UNC13B: variants seen among roughly 807,000 people sequenced by gnomAD.
The protein encoded by UNC13B is protein unc-13 homolog B.
UNC13B carries 144 observed loss-of-function variants against 211.0 expected under a neutral mutation model. The ratio of observed to expected loss-of-function variants is 0.68; its 90% CI spans 0.60 to 0.78. The LOEUF is 0.78. UNC13B is among the 30% of genes least tolerant of loss of function. UNC13B has a pLI of 0.00. For missense variants in UNC13B, 1,777 were observed against 2,002.0 expected, an observed-to-expected ratio of 0.89 and a Z score of 2.14; for synonymous variants, 709 against 725.8, an observed-to-expected ratio of 0.98 and a Z score of 0.37.
chr9:35,291,567 T>C (rs1395457117), intron 7 of UNC13B, among the ~76,000 whole-genome samples: 1 of 152,184 alleles, frequency 6.6e-6, no homozygotes, highest in East Asian at 1.9e-4. Flanking sequence ...GGTTTATTGG[T>C]CTAGCAAATT....
intron 11 of UNC13B, chr9:35,351,798 C>T: frequency 8.1e-7 from 1 of 1,232,278 alleles, no homozygotes; most frequent in South Asian, 4.1e-5. Context: ...GGCTCCACTG[C>T]CTATGTTTCA....
intron 11 of UNC13B, among the ~76,000 whole-genome samples, chr9:35,325,410 T>TA (rs1489165126): frequency 2.6e-5 from 4 of 152,310 alleles, no homozygotes; most frequent in South Asian, 4.1e-4. Context: ...TCCCTCTGCT[T>TA]ACACAGCTTG....
At chr9:35,167,854 C>T (rs547728164) in intron 1 of UNC13B, among the ~76,000 whole-genome samples, 4 of 150,386 alleles carry the variant, frequency 2.7e-5, no homozygotes, top group South Asian at 2.1e-4. Flanking sequence ...CTGCCCTCCT[C>T]GGCCCCCCAG....
chr9:35,381,772 A>G (rs769332401), intron 20 of UNC13B, 53 bp downstream of exon 20: 2 of 1,592,566 alleles, frequency 1.3e-6, no homozygotes, highest in Non-Finnish European at 1.7e-6. Flanking sequence ...GGGGTGGCTA[A>G]TTAAGGCACA....
chr9:35,176,765 G>A (rs929071694), intron 1 of UNC13B, among the ~76,000 whole-genome samples: 1 of 152,128 alleles, frequency 6.6e-6, no homozygotes, highest in Non-Finnish European at 1.5e-5. Flanking sequence ...ATAAACGAGA[G>A]TACATGTTAT....
At chr9:35,196,722 C>T (rs929211374) in intron 1 of UNC13B, among the ~76,000 whole-genome samples, 3 of 152,116 alleles carry the variant, frequency 2.0e-5, no homozygotes, top group African/African-American at 7.2e-5. Context: ...TGCTGAAGTA[C>T]CTCCCAGCTT....
chr9:35,313,792 C>A, intron 10 of UNC13B, 107 bp from the exon 11 acceptor site: 1 of 821,668 alleles, frequency 1.2e-6, no homozygotes, highest in Non-Finnish European at 2.1e-6. Flanking sequence ...TAAGTGTAGG[C>A]ATGAGTACAA....
rs372552879 is a variant in UNC13B, at chr9:35,184,478, C to T, written c.22+22173C>T. ...ATCCCAGCACCCCGGGAGGCCGAGGCGGGCAGATCACTCGAGGTCAGGAGT... is the reference window on the plus strand; with the variant it reads ...ATCCCAGCACCCCGGGAGGCCGAGGTGGGCAGATCACTCGAGGTCAGGAGT... On this transcript the variant is annotated intron_variant, in intron 1 of 39. Transcript: ENST00000635942. Among the ~76,000 whole-genome samples the T allele has an allele frequency of 8.9e-4, 135 of 152,296 alleles. 2 individuals are homozygous for T. In the South Asian group the frequency reaches 0.019, roughly 22 times the overall value.
intron 11 of UNC13B, among the ~76,000 whole-genome samples, chr9:35,330,037 T>G (rs973730514): frequency 6.6e-6 from 1 of 152,214 alleles, no homozygotes; most frequent in African/African-American, 2.4e-5. Flanking sequence ...CTAACAAAAT[T>G]TAGGGCTGGA....
At position 35,209,157 on chromosome 9, in the gene UNC13B, C is replaced by T. The variant is rs1038819296; in HGVS notation, c.23-18858C>T. Among the ~76,000 whole-genome samples, 10 of 152,206 alleles carry T rather than the reference C, an allele frequency of 6.6e-5. No homozygotes were observed. In the East Asian group the frequency reaches 7.7e-4, roughly 12 times the overall value. On this transcript the variant is annotated intron_variant, in intron 1 of 39. Transcript: ENST00000635942. Reference sequence around the variant, plus strand: ...ACGGCTCACTGCAGTCTCCGCCTCACGAGTTCAAGCGATTCTCCTGCTTCA... The same window carrying T: ...ACGGCTCACTGCAGTCTCCGCCTCATGAGTTCAAGCGATTCTCCTGCTTCA...
chr9:35,317,146 C>G (rs1229775646), intron 11 of UNC13B, among the ~76,000 whole-genome samples: 1 of 152,096 alleles, frequency 6.6e-6, no homozygotes, highest in Non-Finnish European at 1.5e-5. Context: ...ATAGGGCTGC[C>G]TAACTGCAAA....
intron 7 of UNC13B, among the ~76,000 whole-genome samples, chr9:35,280,220 T>A (rs1264036771): frequency 1.3e-5 from 2 of 152,306 alleles, no homozygotes; most frequent in Non-Finnish European, 2.9e-5. Flanking sequence ...CTAGAAAAGA[T>A]GAGTTTCGAG....
chr9:35,386,084 G>T, intron 23 of UNC13B, 81 bp from the exon 24 acceptor site: 1 of 1,580,722 alleles, frequency 6.3e-7, no homozygotes, highest in Non-Finnish European at 8.6e-7. Flanking sequence ...AGAATCTAGA[G>T]TAGGTTTGGG....
intron 11 of UNC13B, among the ~76,000 whole-genome samples, chr9:35,364,383 A>G (rs1833634306): frequency 6.6e-6 from 1 of 152,228 alleles, no homozygotes; most frequent in Non-Finnish European, 1.5e-5. Flanking sequence ...GGATTCTGGA[A>G]GCCAGTCAGC....
Position 35,313,917 on chromosome 9 carries a change from A to G in UNC13B, c.9342A>G (p.Ala3114=). ...TTACAAGTTTTCCTGAGGAGAATGC[A>G]TCTTCACCATTTACCCAAGCCAGAG... ...GPQESFPEEN[A]SSPFTQARAH... is the part of the protein sequence containing the mutation. The change falls in exon 11 of 40, where the codon GCA becomes GCG. Residue 3114 remains alanine, a synonymous_variant. Coordinates refer to ENST00000635942, the MANE Select transcript of UNC13B (RefSeq NM_001371189.2). The G allele has an allele frequency of 6.2e-7, 1 of 1,613,868 alleles. No individual in the cohort carries two copies. The highest frequency in any genetic ancestry group is 8.5e-7 in the Non-Finnish European group (1 of 1,179,788).
At position 35,310,775 on chromosome 9, in the gene UNC13B, A is replaced by G. The variant is rs771751002; in HGVS notation, c.9317A>G (p.Gln3106Arg). Residue 3106 changes from glutamine to arginine, a missense_variant, in exon 10 of 40, where the codon CAG (glutamine) becomes CGG (arginine). Coordinates refer to ENST00000635942, the MANE Select transcript of UNC13B (RefSeq NM_001371189.2). The part of the protein sequence containing the change: ...VLQKDHFLGP[Q>R]ESFPEENASS... ...CAAAAAGACCACTTCCTAGGTCCCC[A>G]GGAGAGGTAGGCAACAGCTGCCTTG... 1 of 1,612,794 alleles carries G rather than the reference A, an allele frequency of 6.2e-7. No homozygotes were observed. The highest frequency in any genetic ancestry group is 2.2e-5 in the East Asian group (1 of 44,842).
chr9:35,222,112 C>T (rs547193061), intron 1 of UNC13B, among the ~76,000 whole-genome samples: 191 of 152,122 alleles, frequency 1.3e-3, no homozygotes, highest in African/African-American at 4.1e-3. Flanking sequence ...ACCCTTTTTC[C>T]CCCAAAATGT....
At position 35,303,614 on chromosome 9, in the gene UNC13B, CA is replaced by C; in HGVS notation, c.4215del (p.Asp1406IlefsTer29). The C allele has an allele frequency of 2.5e-6, 1 of 398,638 alleles. No individual in the cohort carries two copies. Among genetic ancestry groups the C allele is most frequent in the Non-Finnish European group, 4.4e-6 (1 of 225,828 alleles). The allele number at this position is 398,638 out of a possible 1,614,324, so 24.7% of individuals were successfully genotyped here. A position where few individuals can be genotyped will look rare whatever the true frequency, so the allele number is the denominator to read the frequency against. On this transcript the variant is annotated frameshift_variant, in exon 9 of 40. Transcript: ENST00000635942. LOFTEE classifies it high-confidence loss of function. ...AGAAAACTCAGTGATAAATTTTTGC[CA>C]AAAAGATCAAAATGCAAACATCTTG... ...DSENSVINFC[Q>X]KDQNANILEW...
At position 35,231,198 on chromosome 9, in the gene UNC13B, C is replaced by T. The variant is rs1378123402; in HGVS notation, c.131C>T (p.Ser44Phe). The T allele has an allele frequency of 6.2e-7, 1 of 1,612,954 alleles. No individual in the cohort carries two copies. Among genetic ancestry groups the T allele is most frequent in the Non-Finnish European group, 8.5e-7 (1 of 1,179,100 alleles). Residue 44 changes from serine (S) to phenylalanine (F), a missense_variant, in exon 3 of 40, where the codon TCC becomes TTC. Ser to Phe is a radical substitution (Grantham distance 155). Coordinates refer to ENST00000635942, the MANE Select transcript of UNC13B (RefSeq NM_001371189.2). ...TTVAVRGDQP[S>F]WEQDFMFEIS... ...GTAGCAGTTCGTGGTGATCAGCCTT[C>T]CTGGGAACAGGATTTCATGTTGTAA...
Sources: gnomAD v4.1 joint callset for allele counts (sites outside exome capture counted in the v4.1 genomes callset) on GRCh38, gnomAD v4.1.1 for gene constraint, MANE v1.5 for transcripts, NCBI Gene and HGNC (gene_info 2026-07-23, HGNC 2026-07-21) for gene names.